PCDHA13: variants seen among roughly 807,000 people sequenced by gnomAD.
PCDHA13 encodes the protein protocadherin alpha 13.
Under a neutral mutation model 64.8 loss-of-function variants are expected in PCDHA13, and 54 were observed. The ratio of observed to expected loss-of-function variants is 0.83; its 90% CI spans 0.67 to 1.04. The LOEUF is 1.04. PCDHA13 is among the 50% of genes least tolerant of loss of function. The probability of loss-of-function intolerance (pLI) is 0.00; values close to 1 mark genes in which losing one functional copy is unlikely to be tolerated. For missense variants in PCDHA13, 1,248 were observed against 1,254.3 expected, an observed-to-expected ratio of 0.99 and a Z score of 0.08; for synonymous variants, 587 against 564.4, an observed-to-expected ratio of 1.04 and a Z score of -0.57.
chr5:140,899,969 A>G (rs2067649868), intron 1 of PCDHA13, among the ~76,000 whole-genome samples: 1 of 151,820 alleles, frequency 6.6e-6, no homozygotes, highest in African/African-American at 2.4e-5. Flanking sequence ...TGCCATGCCC[A>G]GCTACTTTTT....
intron 1 of PCDHA13, among the ~76,000 whole-genome samples, chr5:140,909,911 A>T (rs747486870): frequency 1.3e-5 from 2 of 152,144 alleles, no homozygotes; most frequent in Non-Finnish European, 2.9e-5. Flanking sequence ...AATGGCAATC[A>T]TTTCCCTTTC....
intron 1 of PCDHA13, among the ~76,000 whole-genome samples, chr5:140,978,436 G>A (rs190191755): frequency 6.6e-6 from 1 of 152,348 alleles, no homozygotes; most frequent in East Asian, 1.9e-4. Flanking sequence ...AGTTGCTGGT[G>A]TTATGACTGG....
In PCDHA13 at chr5:140,882,768, C is replaced by T. The variant is rs1554175511; in HGVS notation, c.500C>T (p.Ala167Val). 6.2e-7 allele frequency: 1 copy of T among 1,614,222 alleles called. No homozygotes were observed. The highest frequency in any genetic ancestry group is 2.2e-5 in the East Asian group (1 of 44,890). The part of the protein sequence containing the change: ...ASDADIGVNS[A>V]LTYRLDPNDY... ...GATGCAGATATTGGAGTAAACTCGG[C>T]ATTGACCTACCGACTGGATCCCAAC... Residue 167 changes from alanine to valine, a missense_variant, in exon 1 of 4, where the codon GCA (alanine) becomes GTA (valine). Physicochemically the swap from Ala to Val is moderately conservative, Grantham distance 64. Transcript: ENST00000289272.
intron 3 of PCDHA13, among the ~76,000 whole-genome samples, chr5:141,004,902 G>A (rs1554259808): frequency 1.3e-5 from 2 of 152,084 alleles, no homozygotes; most frequent in African/African-American, 4.8e-5. Flanking sequence ...GCTCTGCCAG[G>A]GTGTAAGGAA....
At chr5:141,008,238 G>A (rs2098366224) in intron 3 of PCDHA13, among the ~76,000 whole-genome samples, 1 of 152,046 alleles carries the variant, frequency 6.6e-6, no homozygotes, top group Admixed American at 6.6e-5. Context: ...TACTGCTCAG[G>A]GACACCAAAT....
rs2059982825 is a variant in PCDHA13, at chr5:140,884,079, A to G, written c.1811A>G (p.Asn604Ser). The change falls in exon 1 of 4, where the codon AAT becomes AGT. Residue 604 changes from asparagine (N) to serine (S), a missense_variant. Coordinates refer to ENST00000289272, the MANE Select transcript of PCDHA13 (RefSeq NM_018904.3). ...GCGGTGGACGCCGATTCGGGCTACAATGCGTGGCTTTCGTATGAATTGCAG... is the reference window on the plus strand; with the variant it reads ...GCGGTGGACGCCGATTCGGGCTACAGTGCGTGGCTTTCGTATGAATTGCAG... The part of the protein sequence containing the change: ...VRAVDADSGY[N>S]AWLSYELQLA... 5.6e-6 allele frequency: 9 copies of G among 1,613,504 alleles called. No individual in the cohort carries two copies. The highest frequency in any genetic ancestry group is 3.3e-5 in the South Asian group (3 of 91,060).
chr5:140,897,281 C>T lies in PCDHA13; in HGVS notation c.2394+12619C>T, dbSNP rs1583262674. On this transcript the variant is annotated intron_variant, in intron 1 of 3. Coordinates refer to ENST00000289272, the MANE Select transcript of PCDHA13 (RefSeq NM_018904.3). ...ATGTGCCATGCTGGTGTGCTGCACC[C>T]ATTAACTCGTCATTTAGCATTAGGT... Among the ~76,000 whole-genome samples, 6 of 151,664 alleles carry T rather than the reference C, an allele frequency of 4.0e-5. No homozygotes were observed. In the South Asian group the frequency reaches 1.2e-3, roughly 32 times the overall value.
rs1554181482 is a variant in PCDHA13, at chr5:140,884,371, C to G, written c.2103C>G (p.Ile701Met). Reference protein sequence around the residue: ...AALVDVNVYLIIAICAVSSLL... With the variant: ...AALVDVNVYLMIAICAVSSLL... The stretch of plus-strand genomic sequence containing the variant: ...TGGTGGATGTCAATGTTTACTTGAT[C>G]ATTGCCATCTGCGCGGTGTCCAGCC... Residue 701 changes from isoleucine (I) to methionine (M), a missense_variant, in exon 1 of 4, where the codon ATC (isoleucine) becomes ATG (methionine). Ile to Met is a conservative substitution (Grantham distance 10). Coordinates refer to ENST00000289272, the MANE Select transcript of PCDHA13 (RefSeq NM_018904.3). 2 of 1,613,948 alleles carry G rather than the reference C, an allele frequency of 1.2e-6. No homozygotes were observed. Among genetic ancestry groups the G allele is most frequent in the African/African-American group, 2.7e-5 (2 of 75,052 alleles).
At chr5:140,991,590 G>A (rs1211923014) in intron 3 of PCDHA13, among the ~76,000 whole-genome samples, 2 of 152,098 alleles carry the variant, frequency 1.3e-5, no homozygotes, top group Non-Finnish European at 2.9e-5. Context: ...ATTTCTACCT[G>A]AGCCCTCACT....
Position 140,927,842 on chromosome 5 carries a change from T to C in PCDHA13, c.2394+43180T>C, listed in dbSNP as rs201721848. 1.9e-6 allele frequency: 3 copies of C among 1,614,140 alleles called. No individual in the cohort carries two copies. The African/African-American group carries it at 4.0e-5, about 22-fold the overall frequency. On this transcript the variant is annotated intron_variant, in intron 1 of 3. Transcript: ENST00000289272. ...TACATTGAGGCGAGGGACGAAGGTG[T>C]CTTTGGTTTAGCTAGCACCGCTAAA... is the stretch of plus-strand genomic sequence containing the variant.
intron 1 of PCDHA13, among the ~76,000 whole-genome samples, chr5:140,894,449 A>G (rs1227566097): frequency 6.6e-6 from 1 of 151,950 alleles, no homozygotes; most frequent in Non-Finnish European, 1.5e-5. Flanking sequence ...TCTTTTTTAA[A>G]AAATATTTTA....
At chr5:140,909,582 T>G (rs1407869706) in intron 1 of PCDHA13, among the ~76,000 whole-genome samples, 1 of 152,298 alleles carries the variant, frequency 6.6e-6, no homozygotes, top group Non-Finnish European at 1.5e-5. Flanking sequence ...TGTGATATGT[T>G]TTTTGATTTA....
intron 1 of PCDHA13, among the ~76,000 whole-genome samples, chr5:140,914,080 T>G (rs2076596374): frequency 6.6e-6 from 1 of 152,222 alleles, no homozygotes; most frequent in African/African-American, 2.4e-5. Flanking sequence ...TAACTATCTA[T>G]TAGGTCAATT....
chr5:140,914,229 TA>T (rs1253173765), intron 1 of PCDHA13, among the ~76,000 whole-genome samples: 3 of 152,224 alleles, frequency 2.0e-5, no homozygotes, highest in Non-Finnish European at 4.4e-5. Flanking sequence ...GCTCTAATAC[TA>T]TTTGCTTTTT....
rs550922282 is a variant in PCDHA13, at chr5:140,927,864, T to C, written c.2394+43202T>C. On this transcript the variant is annotated intron_variant, in intron 1 of 3. Transcript: ENST00000289272. The stretch of plus-strand genomic sequence containing the variant: ...GTGTCTTTGGTTTAGCTAGCACCGC[T>C]AAACTGCTGGTGGAGGTGACTGACG... The C allele has an allele frequency of 6.8e-6, 11 of 1,614,200 alleles. No homozygotes were observed. In the South Asian group the frequency reaches 1.2e-4, roughly 18 times the overall value.
chr5:140,903,765 C>G (rs782453519), intron 1 of PCDHA13, among the ~76,000 whole-genome samples: 1 of 152,086 alleles, frequency 6.6e-6, no homozygotes. Flanking sequence ...TTTTGCTGAA[C>G]TTTTCTATCC....
rs2059348397 is a variant in PCDHA13 at position 140,882,890 on chromosome 5, C to T, written c.622C>T (p.His208Tyr). Residue 208 changes from histidine to tyrosine, a missense_variant, in exon 1 of 4, where the codon CAT (histidine) becomes TAT (tyrosine). Physicochemically the swap from His to Tyr is moderately conservative, Grantham distance 83. Transcript: ENST00000289272. ...ACTGGACAGAGAGGAAATTCAGGAA[C>T]ATAGTTTATTACTGACAGCCAGTGA... is the stretch of plus-strand genomic sequence containing the variant. ...KTLDREEIQE[H>Y]SLLLTASDGG... 6.2e-7 allele frequency: 1 copy of T among 1,614,060 alleles called. No individual in the cohort carries two copies. The highest frequency in any genetic ancestry group is 2.2e-5 in the East Asian group (1 of 44,894).
chr5:140,980,819 A>C (rs1178317133), intron 2 of PCDHA13, among the ~76,000 whole-genome samples: 1 of 152,216 alleles, frequency 6.6e-6, no homozygotes, highest in East Asian at 1.9e-4. Context: ...TGAACATATT[A>C]AATGAGTTGT....
intron 1 of PCDHA13, among the ~76,000 whole-genome samples, chr5:140,921,243 G>A (rs2080116903): frequency 6.6e-6 from 1 of 151,726 alleles, no homozygotes; most frequent in Non-Finnish European, 1.5e-5. Flanking sequence ...TTAAGCCACA[G>A]ATCAAAAAGT....
Sources: allele counts gnomAD v4.1 joint callset (sites outside exome capture counted in the v4.1 genomes callset), GRCh38; gene constraint gnomAD v4.1.1; transcripts MANE v1.5; gene names NCBI Gene and HGNC (gene_info 2026-07-23, HGNC 2026-07-21).